The following ARHGEF33 variants were observed in gnomAD, a reference collection of about 807,000 sequenced individuals.
ARHGEF33 encodes DH and coiled-coil domain-containing protein ENSP00000381780.
A neutral mutation model predicts 101.9 loss-of-function variants in ARHGEF33; 72 were observed. The observed-to-expected ratio is 0.71, with a 90% CI of 0.58 to 0.86. The LOEUF is 0.86. Among genes scored for constraint, ARHGEF33 ranks in the 40% least tolerant of loss-of-function variants. ARHGEF33 has a pLI of 0.00. For synonymous variants in ARHGEF33, 499 were observed against 442.5 expected, an observed-to-expected ratio of 1.13 and a Z score of -1.60; for missense variants, 1,169 against 1,111.3, an observed-to-expected ratio of 1.05 and a Z score of -0.74.
chr2:38,965,241 T>G lies in ARHGEF33; in HGVS notation c.2344-765T>G, dbSNP rs192138569. 5.3e-5 allele frequency among the ~76,000 whole-genome samples: 8 copies of G among 152,320 alleles called. No homozygotes were observed. In the East Asian group the frequency reaches 1.5e-3, roughly 29 times the overall value. ...ATTATAGTCACCTCAAGGTAAATAC[T>G]TTGTTCGTATGGAATATAAACATGT... On this transcript the variant is annotated intron_variant, in intron 16 of 17. Transcript: ENST00000409978.
chr2:38,929,092 C>G (rs199968479), intron 5 of ARHGEF33, 21 bp downstream of exon 5: 274 of 1,533,632 alleles, frequency 1.8e-4, no homozygotes, highest in Non-Finnish European at 3.3e-5. Flanking sequence ...CTTTAATTTC[C>G]CTGCTGACAA....
intron 10 of ARHGEF33, among the ~76,000 whole-genome samples, chr2:38,949,092 G>A (rs1667524995): frequency 6.6e-6 from 1 of 152,044 alleles, no homozygotes; most frequent in South Asian, 2.1e-4. Flanking sequence ...GTGTTTGTGT[G>A]TCTCCTCTGA....
At chr2:38,899,785 A>G (rs1666202072) in intron 2 of ARHGEF33, among the ~76,000 whole-genome samples, 3 of 152,210 alleles carry the variant, frequency 2.0e-5, no homozygotes, top group South Asian at 2.1e-4. Context: ...TGTTGTATGC[A>G]TATATCATAA....
At chr2:38,958,623 ACT>A (rs761405922) in intron 15 of ARHGEF33, among the ~76,000 whole-genome samples, 34 of 152,288 alleles carry the variant, frequency 2.2e-4, no homozygotes, top group South Asian at 1.2e-3. Flanking sequence ...ATTTTGTTTC[ACT>A]CTTTCACATG....
chr2:38,932,319 G>T (rs189131328), intron 7 of ARHGEF33, among the ~76,000 whole-genome samples: 1 of 152,254 alleles, frequency 6.6e-6, no homozygotes, highest in South Asian at 2.1e-4. Flanking sequence ...AGAGACAGGG[G>T]TTTCACCATG....
intron 10 of ARHGEF33, among the ~76,000 whole-genome samples, chr2:38,948,123 T>C (rs1667497823): frequency 6.6e-6 from 1 of 152,094 alleles, no homozygotes; most frequent in Non-Finnish European, 1.5e-5. Flanking sequence ...CTCTGAATAC[T>C]TCGTCTTCAT....
intron 4 of ARHGEF33, among the ~76,000 whole-genome samples, chr2:38,928,109 A>G (rs1666913605): frequency 6.6e-6 from 1 of 152,200 alleles, no homozygotes; most frequent in Admixed American, 6.5e-5. Context: ...TATTTTATGG[A>G]TGAGGAAACT....
intron 2 of ARHGEF33, among the ~76,000 whole-genome samples, chr2:38,914,498 C>G (rs1572745127): frequency 6.6e-6 from 1 of 151,914 alleles, no homozygotes; most frequent in Non-Finnish European, 1.5e-5. Context: ...TGAAACCCAT[C>G]CCTACTAAAA....
chr2:38,892,006 C>G (rs1197390246), intron 1 of ARHGEF33, among the ~76,000 whole-genome samples: 1 of 152,126 alleles, frequency 6.6e-6, no homozygotes, highest in East Asian at 1.9e-4. Context: ...TCTGTTCATG[C>G]CTTTACTGAC....
Position 38,914,599 on chromosome 2 carries a change from G to A in ARHGEF33, c.-85-4764G>A, listed in dbSNP as rs142352193. 2.9e-3 allele frequency among the ~76,000 whole-genome samples: 437 copies of A among 151,394 alleles called. 2 individuals are homozygous for A. Among genetic ancestry groups the A allele is most frequent in the Middle Eastern group, 0.01 (3 of 294 alleles). On this transcript the variant is annotated intron_variant, in intron 2 of 17. Transcript: ENST00000409978. The stretch of plus-strand genomic sequence containing the variant: ...GGAGAATAGTTTGAAACCGGGAGGC[G>A]GAGGTTGCAGTGAGCCTGGATCTCA...
At chr2:38,942,551 T>C (rs998272933) in intron 9 of ARHGEF33, among the ~76,000 whole-genome samples, 1 of 151,788 alleles carries the variant, frequency 6.6e-6, no homozygotes, top group Non-Finnish European at 1.5e-5. Flanking sequence ...TAAGCAATGT[T>C]TAAAAGTTTC....
intron 2 of ARHGEF33, among the ~76,000 whole-genome samples, chr2:38,904,262 G>C (rs992493659): frequency 4.6e-5 from 7 of 152,198 alleles, no homozygotes; most frequent in African/African-American, 1.7e-4. Flanking sequence ...GGGCAGACCA[G>C]GCAGCAGGGA....
At position 38,935,296 on chromosome 2, in the gene ARHGEF33, T is replaced by C. The variant is rs539501835; in HGVS notation, c.506-479T>C. ...CCTGGGTTCAAGCGATCCTCCTATT[T>C]TAGCCTCCCAGGTAGCTGGGACCAC... On this transcript the variant is annotated intron_variant, in intron 7 of 17. Transcript: ENST00000409978. Among the ~76,000 whole-genome samples the C allele has an allele frequency of 8.3e-4, 126 of 151,572 alleles. 2 individuals are homozygous for C. Among genetic ancestry groups the C allele is most frequent in the African/African-American group, 2.9e-3 (120 of 41,270 alleles).
chr2:38,892,400 T>C (rs1401499223), intron 1 of ARHGEF33, among the ~76,000 whole-genome samples: 1 of 133,662 alleles, frequency 7.5e-6, no homozygotes, highest in Non-Finnish European at 1.7e-5. Flanking sequence ...GTAGAGATGA[T>C]GCCTAAAGGT....
intron 10 of ARHGEF33, among the ~76,000 whole-genome samples, chr2:38,944,640 C>A (rs2599074): frequency 0.91 from 138,872 of 152,164 alleles, 63,471 homozygotes; most frequent in Non-Finnish European, 0.93. Context: ...GGGTCTCTAA[C>A]ATGTCTTTTA....
At chr2:38,909,679 C>T (rs951021445) in intron 2 of ARHGEF33, among the ~76,000 whole-genome samples, 2 of 146,410 alleles carry the variant, frequency 1.4e-5, no homozygotes, top group Non-Finnish European at 3.0e-5. Context: ...ACCTTTGCCA[C>T]TTTAAATTGC....
chr2:38,960,434 A>G lies in ARHGEF33; in HGVS notation c.2129A>G (p.Lys710Arg). 1.3e-6 allele frequency: 2 copies of G among 1,508,226 alleles called. No individual in the cohort carries two copies. The highest frequency in any genetic ancestry group is 8.8e-7 in the Non-Finnish European group (1 of 1,135,218). 93.4% of individuals were successfully genotyped at this position (1,508,226 alleles called of 1,614,324 possible). ...GKAKPLSRSL[K>R]EFPRAPPADG... ...GCCAAGCCGCTGAGCCGCTCTCTCAAAGAGTTCCCGCGTGCGCCGCCAGCC... is the reference window on the plus strand; with the variant it reads ...GCCAAGCCGCTGAGCCGCTCTCTCAGAGAGTTCCCGCGTGCGCCGCCAGCC... The change falls in exon 16 of 18, where the codon AAA becomes AGA. Residue 710 changes from lysine to arginine, a missense_variant. By Grantham distance (26) the Lys-to-Arg change is conservative. Transcript: ENST00000409978.
Position 38,928,888 on chromosome 2 carries a change from C to A in ARHGEF33, c.76-19C>A. The A allele has an allele frequency of 6.5e-7, 1 of 1,533,424 alleles. No individual in the cohort carries two copies. The highest frequency in any genetic ancestry group is 8.8e-7 in the Non-Finnish European group (1 of 1,139,612). 95.0% of individuals were successfully genotyped at this position (1,533,424 alleles called of 1,614,324 possible). On this transcript the variant is annotated intron_variant, in intron 4 of 17. Coordinates refer to ENST00000409978, the MANE Select transcript of ARHGEF33 (RefSeq NM_001145451.5). ...AGTAATTTCCAGCAAATTGAATTAA[C>A]TTTTCATGCATTATTTAGTTGCAGG...
intron 8 of ARHGEF33, 23 bp from the exon 9 acceptor site, chr2:38,937,312 C>CGGGGGGGGGGGGGGGGGGG: frequency 1.7e-4 from 102 of 583,298 alleles, no homozygotes; most frequent in East Asian, 5.5e-4. Context: ...TTTGTTTCCC[C>CGGGGGGGGGGGGGGGGGGG]GCCCCTCCCC....
Sources: allele counts gnomAD v4.1 joint callset (sites outside exome capture counted in the v4.1 genomes callset), GRCh38; gene constraint gnomAD v4.1.1; transcripts MANE v1.5; gene names NCBI Gene and HGNC (gene_info 2026-07-23, HGNC 2026-07-21).